Variants in FILIP1L observed in about 807,000 individuals in gnomAD.
The protein encoded by FILIP1L is filamin A interacting protein 1 like.
In FILIP1L, 55 loss-of-function variants were observed where a neutral mutation model predicts 96.6. The observed-to-expected ratio is 0.57, with a 90% CI of 0.46 to 0.71. FILIP1L has a LOEUF of 0.71. Among genes scored for constraint, FILIP1L ranks in the 30% least tolerant of loss-of-function variants. The pLI is 0.00. For synonymous variants in FILIP1L, 467 were observed against 473.9 expected, an observed-to-expected ratio of 0.99 and a Z score of 0.19; for missense variants, 1,304 against 1,321.2, an observed-to-expected ratio of 0.99 and a Z score of 0.20.
chr3:100,013,912 CCTGT>C (rs1237358375), intron 1 of FILIP1L, among the ~76,000 whole-genome samples: 1 of 152,074 alleles, frequency 6.6e-6, no homozygotes, highest in Non-Finnish European at 1.5e-5. Context: ...CAACAGAATT[CCTGT>C]CTAACTGAAA....
chr3:100,013,075 T>C (rs1710209038), intron 1 of FILIP1L, among the ~76,000 whole-genome samples: 1 of 152,076 alleles, frequency 6.6e-6, no homozygotes, highest in African/African-American at 2.4e-5. Flanking sequence ...CAGGGTTTTG[T>C]CTTGTTGTCC....
intron 1 of FILIP1L, among the ~76,000 whole-genome samples, chr3:99,963,099 GC>G (rs1559705339): frequency 6.6e-6 from 1 of 152,218 alleles, no homozygotes; most frequent in Non-Finnish European, 1.5e-5. Context: ...AGAGGGTTTA[GC>G]CTGCCTACAG....
intron 1 of FILIP1L, among the ~76,000 whole-genome samples, chr3:99,945,501 C>A (rs1260747937): frequency 1.3e-5 from 2 of 152,118 alleles, no homozygotes; most frequent in Non-Finnish European, 2.9e-5. Flanking sequence ...CTGCTAGGAA[C>A]TGTAAGTAAA....
chr3:99,858,010 T>C (rs1944056300), intron 4 of FILIP1L, among the ~76,000 whole-genome samples: 1 of 152,164 alleles, frequency 6.6e-6, no homozygotes, highest in Admixed American at 6.5e-5. Context: ...AAGGAGATAG[T>C]TCCAGCACAA....
intron 1 of FILIP1L, among the ~76,000 whole-genome samples, chr3:100,052,102 T>C (rs987753375): frequency 2.6e-5 from 4 of 152,178 alleles, no homozygotes; most frequent in South Asian, 2.1e-4. Flanking sequence ...AGGCTACTAA[T>C]GGGCATAATT....
At chr3:99,869,693 G>T (rs1254181847) in intron 4 of FILIP1L, among the ~76,000 whole-genome samples, 1 of 152,158 alleles carries the variant, frequency 6.6e-6, no homozygotes, top group East Asian at 1.9e-4. Context: ...AGACACTTAA[G>T]TCTTGCGAGC....
At chr3:99,925,850 C>G (rs527975839) in intron 3 of FILIP1L, 1 of 985,388 alleles carries the variant, frequency 1.0e-6, no homozygotes, top group African/African-American at 1.7e-5. Flanking sequence ...GACAGCCAAG[C>G]TCACTGGGCT....
intron 1 of FILIP1L, among the ~76,000 whole-genome samples, chr3:100,059,547 CAA>C (rs1056749815): frequency 1.3e-5 from 2 of 152,090 alleles, no homozygotes; most frequent in Non-Finnish European, 2.9e-5. Flanking sequence ...TTCTATCCTC[CAA>C]GGGTAGAGGG....
At chr3:99,960,310 T>G (rs1708453636) in intron 1 of FILIP1L, among the ~76,000 whole-genome samples, 2 of 152,166 alleles carry the variant, frequency 1.3e-5, no homozygotes, top group Non-Finnish European at 2.9e-5. Context: ...ATCCCCATTT[T>G]ACAGATGAGG....
At chr3:99,921,116 A>G (rs139583812) in intron 4 of FILIP1L, among the ~76,000 whole-genome samples, 13 of 152,292 alleles carry the variant, frequency 8.5e-5, no homozygotes, top group Non-Finnish European at 1.6e-4. Flanking sequence ...TTGACCCTTC[A>G]GGATAAGTTA....
At chr3:99,900,695 T>A (rs1706407338) in intron 4 of FILIP1L, among the ~76,000 whole-genome samples, 1 of 152,232 alleles carries the variant, frequency 6.6e-6, no homozygotes. Context: ...CTCTTTCTTC[T>A]TTTCCACGCA....
At chr3:99,833,776 A>G (rs752735940) in intron 5 of FILIP1L, among the ~76,000 whole-genome samples, 14 of 152,202 alleles carry the variant, frequency 9.2e-5, no homozygotes, top group Non-Finnish European at 1.9e-4. Context: ...TCATTTTGAT[A>G]TGTGGTAATT....
Position 99,881,525 on chromosome 3 carries a change from ATCTC to A in FILIP1L, c.606-30459_606-30456del, listed in dbSNP as rs376739497. 4.5e-3 allele frequency among the ~76,000 whole-genome samples: 673 copies of A among 148,194 alleles called. 6 individuals are homozygous for A. Among genetic ancestry groups the A allele is most frequent in the African/African-American group, 0.016 (659 of 40,582 alleles). ...GACCTTGTCATATAATTTGTAGCCC[ATCTC>A]TCTCTCTCTTTTTTTTTTTTTGAGA... is the stretch of plus-strand genomic sequence containing the variant. On this transcript the variant is annotated intron_variant, in intron 4 of 5. Coordinates refer to ENST00000477258, the MANE Select transcript of FILIP1L (RefSeq NM_001387850.1).
intron 1 of FILIP1L, among the ~76,000 whole-genome samples, chr3:99,999,980 T>G (rs887356413): frequency 2.0e-5 from 3 of 152,172 alleles, no homozygotes; most frequent in Non-Finnish European, 4.4e-5. Flanking sequence ...TTCTCAGCCC[T>G]GGCTTAAAAA....
chr3:100,062,685 AAG>A (rs2065594723), intron 1 of FILIP1L, among the ~76,000 whole-genome samples: 1 of 152,204 alleles, frequency 6.6e-6, no homozygotes, highest in Admixed American at 6.5e-5. Context: ...AAAACCCTAA[AAG>A]AAATTTAAAA....
At chr3:100,100,284 G>C (rs2066282305) in intron 1 of FILIP1L, among the ~76,000 whole-genome samples, 1 of 152,126 alleles carries the variant, frequency 6.6e-6, no homozygotes, top group African/African-American at 2.4e-5. Flanking sequence ...AGAATGAGGA[G>C]TCTGTGAAAA....
intron 1 of FILIP1L, among the ~76,000 whole-genome samples, chr3:100,036,188 G>A (rs2065104044): frequency 6.6e-6 from 1 of 152,128 alleles, no homozygotes; most frequent in Non-Finnish European, 1.5e-5. Context: ...CAACTAAAAA[G>A]GTCTAGAATC....
intron 1 of FILIP1L, among the ~76,000 whole-genome samples, chr3:100,070,912 T>G (rs1211093884): frequency 6.6e-6 from 1 of 152,208 alleles, no homozygotes; most frequent in Non-Finnish European, 1.5e-5. Context: ...ATTATAGGCA[T>G]GAGTCACCGC....
chr3:99,938,664 G>A (rs1389717378), intron 1 of FILIP1L, among the ~76,000 whole-genome samples: 2 of 152,164 alleles, frequency 1.3e-5, no homozygotes, highest in African/African-American at 2.4e-5. Context: ...GTTCTCAGCA[G>A]AGCTGGTTGG....
Sources: allele counts gnomAD v4.1 joint callset (sites outside exome capture counted in the v4.1 genomes callset), GRCh38; gene constraint gnomAD v4.1.1; transcripts MANE v1.5; gene names NCBI Gene and HGNC (gene_info 2026-07-23, HGNC 2026-07-21).